ZZEF1: variants seen among roughly 807,000 people sequenced by gnomAD.
ZZEF1 encodes the protein zinc finger ZZ-type and EF-hand domain containing 1, also known as zinc finger ZZ-type and EF-hand domain-containing protein 1.
In ZZEF1, 157 loss-of-function variants were observed where a neutral mutation model predicts 342.8. That is an observed-to-expected ratio of 0.46 (90% CI 0.40 to 0.52). ZZEF1 has a LOEUF of 0.52. ZZEF1 is among the 20% of genes least tolerant of loss of function. The pLI is 0.00. For synonymous variants in ZZEF1, 1,505 were observed against 1,429.1 expected, an observed-to-expected ratio of 1.05 and a Z score of -1.20; for missense variants, 3,480 against 3,725.6, an observed-to-expected ratio of 0.93 and a Z score of 1.72.
chr17:4,005,755 A>G lies in ZZEF1; in HGVS notation c.*1135T>C, dbSNP rs1046722668. The G allele has an allele frequency of 6.6e-6, 1 of 152,246 alleles. No homozygotes were observed. The highest frequency in any genetic ancestry group is 1.5e-5 in the Non-Finnish European group (1 of 68,100). 9.4% of individuals were successfully genotyped at this position (152,246 alleles called of 1,614,324 possible). On this transcript the variant is annotated 3_prime_UTR_variant, in exon 55 of 55. Coordinates refer to ENST00000381638, the MANE Select transcript of ZZEF1 (RefSeq NM_015113.4). The stretch of plus-strand genomic sequence containing the variant: ...TGGTGGGACGTGCTTCGGCCCAGAC[A>G]CTGCCCCTAAAGGCATGCTCCAACC...
chr17:4,111,649 GCT>G (rs2145484320), intron 5 of ZZEF1, among the ~76,000 whole-genome samples: 1 of 62,298 alleles, frequency 1.6e-5, no homozygotes, highest in South Asian at 4.2e-4. Context: ...ACAATGCGAG[GCT>G]CTGTCTCAAA....
At chr17:4,021,908 G>A (rs2056281011) in intron 44 of ZZEF1, among the ~76,000 whole-genome samples, 1 of 151,256 alleles carries the variant, frequency 6.6e-6, no homozygotes, top group Non-Finnish European at 1.5e-5. Context: ...AATGGCAGCT[G>A]TGTTTGGAAT....
In ZZEF1 at chr17:4,022,948, G is replaced by C; in HGVS notation, c.7093-120C>G. ...ATTCGTCCATTCAACACATACTTTTGAATGAAGCCTATTTTATGTCACACT... is the reference window on the plus strand; with the variant it reads ...ATTCGTCCATTCAACACATACTTTTCAATGAAGCCTATTTTATGTCACACT... On this transcript the variant is annotated intron_variant, in intron 43 of 54. Coordinates refer to ENST00000381638, the MANE Select transcript of ZZEF1 (RefSeq NM_015113.4). 3.0e-6 allele frequency: 4 copies of C among 1,335,440 alleles called. No individual in the cohort carries two copies. The Admixed American group carries it at 7.0e-5, about 23-fold the overall frequency. The allele number at this position is 1,335,440 out of a possible 1,614,324, so 82.7% of individuals were successfully genotyped here. A position where few individuals can be genotyped will look rare whatever the true frequency, so the allele number is the denominator to read the frequency against.
At chr17:4,107,898 T>C (rs2058237700) in intron 6 of ZZEF1, among the ~76,000 whole-genome samples, 1 of 152,178 alleles carries the variant, frequency 6.6e-6, no homozygotes, top group Non-Finnish European at 1.5e-5. Context: ...AAGATAAGCC[T>C]GGAATATCTT....
intron 2 of ZZEF1, 132 bp from the exon 3 acceptor site, chr17:4,117,298 T>A: frequency 1.4e-6 from 1 of 699,886 alleles, no homozygotes; most frequent in Non-Finnish European, 2.3e-6. Context: ...TTTTCAGTTT[T>A]AATTGTTAAA....
At position 4,004,984 on chromosome 17, in the gene ZZEF1, A is replaced by T. The variant is rs1186433219; in HGVS notation, c.*1906T>A. 6.6e-6 allele frequency: 1 copy of T among 152,322 alleles called. No homozygotes were observed. Among genetic ancestry groups the T allele is most frequent in the Non-Finnish European group, 1.5e-5 (1 of 68,112 alleles). The allele number at this position is 152,322 out of a possible 1,614,324, so 9.4% of individuals were successfully genotyped here. On this transcript the variant is annotated 3_prime_UTR_variant, in exon 55 of 55. Transcript: ENST00000381638. ...GCTGATCTTCCTGACGGGAGGATGG[A>T]GTACAGCGGCGGCCACTGCCATAGG...
At chr17:4,048,755 C>T (rs1387737082) in intron 37 of ZZEF1, among the ~76,000 whole-genome samples, 3 of 152,018 alleles carry the variant, frequency 2.0e-5, no homozygotes, top group Non-Finnish European at 4.4e-5. Context: ...TTGCTGTCGC[C>T]CAGTTTGGAG....
chr17:4,036,276 CAT>C (rs2056660699), intron 39 of ZZEF1, among the ~76,000 whole-genome samples: 1 of 152,070 alleles, frequency 6.6e-6, no homozygotes, highest in Non-Finnish European at 1.5e-5. Context: ...TGATAATTCT[CAT>C]GTGTGTGTGG....
Position 4,088,850 on chromosome 17 carries a change from TCTG to T in ZZEF1, c.2066_2068del (p.Ala689del). 1 of 1,614,158 alleles carries T rather than the reference TCTG, an allele frequency of 6.2e-7. No individual in the cohort carries two copies. The highest frequency in any genetic ancestry group is 1.1e-5 in the South Asian group (1 of 91,082). On this transcript the variant is annotated inframe_deletion, in exon 13 of 55. Transcript: ENST00000381638. Reference sequence around the variant, plus strand: ...GGTCAAGCCTTGCACTCCCAAGCGCTCTGCTGACTCCTGACGGGTGCAGAGGAA... The same window carrying T: ...GGTCAAGCCTTGCACTCCCAAGCGCTCTGACTCCTGACGGGTGCAGAGGAA...
intron 3 of ZZEF1, among the ~76,000 whole-genome samples, chr17:4,114,807 G>T (rs927367450): frequency 6.6e-6 from 1 of 152,088 alleles, no homozygotes; most frequent in Non-Finnish European, 1.5e-5. Flanking sequence ...GCAAAACCAT[G>T]CCGAGAAGAA....
intron 39 of ZZEF1, among the ~76,000 whole-genome samples, chr17:4,036,461 G>A (rs2056665340): frequency 6.6e-6 from 1 of 151,974 alleles, no homozygotes; most frequent in African/African-American, 2.4e-5. Flanking sequence ...AAGGCCGGGC[G>A]CGGTGGCTCA....
chr17:4,046,329 CTGTT>C (rs1031123226), intron 37 of ZZEF1, among the ~76,000 whole-genome samples: 4 of 152,188 alleles, frequency 2.6e-5, no homozygotes, highest in African/African-American at 9.7e-5. Flanking sequence ...CCCCCAGTGA[CTGTT>C]TGCACTCCTG....
intron 31 of ZZEF1, 124 bp downstream of exon 31, chr17:4,059,047 A>G: frequency 2.5e-6 from 2 of 792,270 alleles, no homozygotes; most frequent in South Asian, 2.2e-5. Flanking sequence ...AGGTGGTAAC[A>G]TTAGAGGTTA....
At position 4,112,774 on chromosome 17, in the gene ZZEF1, G is replaced by A. The variant is rs753818464; in HGVS notation, c.901C>T (p.Leu301=). ...KMKPDVVLRH[L]SIAVAATDQS... ...TCAGTGGCAGCCACTGCAATGGACA[G>A]GTGCCTAAGCACAACATCTGGCTTC... The change falls in exon 5 of 55, where the codon CTG becomes TTG. Residue 301 remains leucine, a synonymous_variant. Coordinates refer to ENST00000381638, the MANE Select transcript of ZZEF1 (RefSeq NM_015113.4). 2 of 1,598,876 alleles carry A rather than the reference G, an allele frequency of 1.3e-6. No homozygotes were observed. The highest frequency in any genetic ancestry group is 8.5e-7 in the Non-Finnish European group (1 of 1,169,790).
At chr17:4,100,431 AT>A (rs911895071) in intron 9 of ZZEF1, among the ~76,000 whole-genome samples, 1 of 152,198 alleles carries the variant, frequency 6.6e-6, no homozygotes, top group African/African-American at 2.4e-5. Flanking sequence ...CTACAGCTAG[AT>A]TTTTAAAATC....
intron 32 of ZZEF1, among the ~76,000 whole-genome samples, 181 bp downstream of exon 32, chr17:4,057,813 A>G (rs2057197672): frequency 6.6e-6 from 1 of 152,216 alleles, no homozygotes; most frequent in Non-Finnish European, 1.5e-5. Context: ...TCTGAAGATG[A>G]GGAAACTGAG....
chr17:4,083,874 G>C lies in ZZEF1; in HGVS notation c.2647-1370C>G, dbSNP rs111945195. Among the ~76,000 whole-genome samples, 116 of 152,116 alleles carry C rather than the reference G, an allele frequency of 7.6e-4. 2 individuals are homozygous for C. Among genetic ancestry groups the C allele is most frequent in the African/African-American group, 2.7e-3 (110 of 41,482 alleles). On this transcript the variant is annotated intron_variant, in intron 16 of 54. Coordinates refer to ENST00000381638, the MANE Select transcript of ZZEF1 (RefSeq NM_015113.4). ...TTCTTATGTCTGCTCATTGGCTGTT[G>C]CATTAGAAACGCCTTTTTAAAATGC...
Position 4,032,929 on chromosome 17 carries a change from C to T in ZZEF1, c.6658G>A (p.Asp2220Asn). The T allele has an allele frequency of 6.2e-7, 1 of 1,613,016 alleles. No homozygotes were observed. The highest frequency in any genetic ancestry group is 8.5e-7 in the Non-Finnish European group (1 of 1,179,502). ...TGGTCTGTGAAGGTGGCAATGACATCACGCCACAGTGGGGCACTGTTGAGT... is the reference window on the plus strand; with the variant it reads ...TGGTCTGTGAAGGTGGCAATGACATTACGCCACAGTGGGGCACTGTTGAGT... ...RSLNSAPLWR[D>N]VIATFTDHCI... The change falls in exon 41 of 55, where the codon GAT becomes AAT. Residue 2220 changes from aspartate to asparagine, a missense_variant. Physicochemically the swap from Asp to Asn is conservative, Grantham distance 23 (BLOSUM62 1). This residue lies in a region of ZZEF1 where 1,269 missense variants were observed against 1,342.4 expected (regional missense o/e 0.95). Coordinates refer to ENST00000381638, the MANE Select transcript of ZZEF1 (RefSeq NM_015113.4).
intron 43 of ZZEF1, among the ~76,000 whole-genome samples, chr17:4,024,633 G>A (rs2056361999): frequency 1.3e-5 from 2 of 152,178 alleles, no homozygotes; most frequent in African/African-American, 4.8e-5. Flanking sequence ...CATTTAGAGA[G>A]GAAAGTAAGA....
Sources: gnomAD v4.1 joint callset for allele counts (sites outside exome capture counted in the v4.1 genomes callset) on GRCh38, gnomAD v4.1.1 for gene constraint, gnomAD v4.1.1 regional missense constraint, MANE v1.5 for transcripts, NCBI Gene and HGNC (gene_info 2026-07-23, HGNC 2026-07-21) for gene names.